SCHIP1: variants seen among roughly 807,000 people sequenced by gnomAD.
The protein encoded by SCHIP1 is schwannomin-interacting protein 1.
In SCHIP1, 8 loss-of-function variants were observed where a neutral mutation model predicts 29.7. The observed-to-expected ratio is 0.27, with a 90% CI of 0.16 to 0.49. SCHIP1 has a LOEUF of 0.49. SCHIP1 is among the 20% of genes least tolerant of loss of function. The pLI is 0.99. For synonymous variants in SCHIP1, 76 were observed against 94.9 expected, an observed-to-expected ratio of 0.80 and a Z score of 1.16; for missense variants, 193 against 294.6, an observed-to-expected ratio of 0.66 and a Z score of 2.52.
chr3:159,626,251 T>TAG, the SCHIP1 span, among the ~76,000 whole-genome samples: 1,030 of 93,722 alleles, frequency 0.011, 17 homozygotes, highest in East Asian at 0.031. Flanking sequence ...TATCTATCTA[T>TAG]ATAGATAGAT....
At chr3:159,587,638 G>A in the SCHIP1 span, among the ~76,000 whole-genome samples, 27 of 152,100 alleles carry the variant, frequency 1.8e-4, no homozygotes, top group African/African-American at 6.5e-4. Context: ...CCCCACAACA[G>A]GACCCAGTGT....
the SCHIP1 span, among the ~76,000 whole-genome samples, chr3:159,596,143 T>C: frequency 2.8e-4 from 43 of 152,240 alleles, no homozygotes; most frequent in African/African-American, 8.7e-4. Context: ...GCAAAGGATA[T>C]GAACAGACAC....
At chr3:159,593,775 GAA>G in the SCHIP1 span, among the ~76,000 whole-genome samples, 1 of 152,192 alleles carries the variant, frequency 6.6e-6, no homozygotes, top group East Asian at 1.9e-4. Flanking sequence ...TGTCCAAATG[GAA>G]AAAGCAGACA....
the SCHIP1 span, among the ~76,000 whole-genome samples, chr3:159,456,994 C>A: frequency 1.3e-5 from 2 of 151,986 alleles, no homozygotes; most frequent in African/African-American, 4.8e-5. Context: ...ATTAGCGTGG[C>A]AAAATAAAAC....
the SCHIP1 span, chr3:159,401,123 T>C: frequency 1.1e-6 from 1 of 944,110 alleles, no homozygotes; most frequent in Non-Finnish European, 1.3e-6. Context: ...TCACCAACAG[T>C]GAGCAACTTG....
At chr3:159,286,841 C>T in the SCHIP1 span, among the ~76,000 whole-genome samples, 1 of 152,090 alleles carries the variant, frequency 6.6e-6, no homozygotes, top group Non-Finnish European at 1.5e-5. Flanking sequence ...AGCATTTTTT[C>T]ATATGCTTGT....
the SCHIP1 span, among the ~76,000 whole-genome samples, chr3:159,779,997 C>T: frequency 6.6e-6 from 1 of 152,036 alleles, no homozygotes; most frequent in African/African-American, 2.4e-5. Context: ...GTTTTGGTAC[C>T]CAGCATGAGT....
chr3:159,713,233 G>GAAGAAAGAAAGAAAGAAAGA, the SCHIP1 span, among the ~76,000 whole-genome samples: 5 of 124,538 alleles, frequency 4.0e-5, no homozygotes, highest in Non-Finnish European at 5.0e-5. Flanking sequence ...AGAAAGAAAG[G>GAAGAAAGAAAGAAAGAAAGA]AAGAAAGAAA....
chr3:159,620,876 T>A, the SCHIP1 span, among the ~76,000 whole-genome samples: 17 of 152,360 alleles, frequency 1.1e-4, no homozygotes, highest in African/African-American at 4.1e-4. Context: ...ATTGTTTTAA[T>A]TATTCTTCTC....
the SCHIP1 span, among the ~76,000 whole-genome samples, chr3:159,566,789 G>T: frequency 2.0e-5 from 3 of 152,196 alleles, no homozygotes; most frequent in Non-Finnish European, 4.4e-5. Context: ...GTAACCAGGA[G>T]CAGACCAGAG....
the SCHIP1 span, among the ~76,000 whole-genome samples, chr3:159,634,440 C>A: frequency 6.6e-6 from 1 of 152,146 alleles, no homozygotes; most frequent in Non-Finnish European, 1.5e-5. Flanking sequence ...TTTTTCCAGC[C>A]AGAATAAACA....
At position 159,840,147 on chromosome 3, in the gene SCHIP1, A is replaced by T. The variant is rs1246135564; in HGVS notation, c.-38A>T. On this transcript the variant is annotated 5_prime_UTR_variant, in exon 1 of 7. Coordinates refer to ENST00000445224, the Ensembl canonical transcript of SCHIP1. ...CCTGCCCTCCGCAGCCTCGCTCAGC[A>T]GTCCTGCGTTGGGGTCTGCGCCCTA... 2.0e-6 allele frequency: 3 copies of T among 1,534,656 alleles called. No individual in the cohort carries two copies. In the East Asian group the frequency reaches 7.3e-5, roughly 38 times the overall value.
the SCHIP1 span, among the ~76,000 whole-genome samples, chr3:159,543,241 G>A: frequency 1.3e-5 from 2 of 149,416 alleles, no homozygotes; most frequent in Admixed American, 6.7e-5. Context: ...TAAGTTTTAG[G>A]GTACATGTGC....
At chr3:159,827,161 C>G in the SCHIP1 span, among the ~76,000 whole-genome samples, 1 of 152,112 alleles carries the variant, frequency 6.6e-6, no homozygotes, top group African/African-American at 2.4e-5. Context: ...ATTCAGATGA[C>G]TAAAATAATT....
the SCHIP1 span, among the ~76,000 whole-genome samples, chr3:159,783,216 G>C: frequency 6.6e-6 from 1 of 152,216 alleles, no homozygotes; most frequent in African/African-American, 2.4e-5. Flanking sequence ...AAACACCAAG[G>C]TTGGTTATTT....
chr3:159,410,476 T>C, the SCHIP1 span, among the ~76,000 whole-genome samples: 6 of 152,178 alleles, frequency 3.9e-5, no homozygotes, highest in African/African-American at 7.2e-5. Flanking sequence ...AAGATCTGAA[T>C]AGATATTTCT....
the SCHIP1 span, among the ~76,000 whole-genome samples, chr3:159,429,949 G>T: frequency 6.6e-6 from 1 of 152,162 alleles, no homozygotes. Context: ...GGAAGCTGTG[G>T]AAGAGCCTTA....
the SCHIP1 span, among the ~76,000 whole-genome samples, chr3:159,665,005 C>G: frequency 6.6e-6 from 1 of 152,196 alleles, no homozygotes; most frequent in African/African-American, 2.4e-5. Context: ...GGCCTGAAAA[C>G]CAGGAGTGTA....
chr3:159,782,743 C>A, the SCHIP1 span, among the ~76,000 whole-genome samples: 14 of 152,300 alleles, frequency 9.2e-5, no homozygotes, highest in Admixed American at 7.2e-4. Context: ...AAGGATGATT[C>A]AATGTGCGCT....
Sources: allele counts gnomAD v4.1 joint callset (sites outside exome capture counted in the v4.1 genomes callset), GRCh38; gene constraint gnomAD v4.1.1; transcripts MANE v1.5; gene names NCBI Gene and HGNC (gene_info 2026-07-23, HGNC 2026-07-21).